PPM1H: variants seen among roughly 807,000 people sequenced by gnomAD.
PPM1H encodes protein phosphatase 1H.
PPM1H carries 27 observed loss-of-function variants against 54.9 expected under a neutral mutation model. That is an observed-to-expected ratio of 0.49 (90% confidence interval 0.36 to 0.68). The LOEUF is 0.68. Among genes scored for constraint, PPM1H ranks in the 30% least tolerant of loss-of-function variants. The probability of loss-of-function intolerance (pLI) is 0.00; values close to 1 mark genes in which losing one functional copy is unlikely to be tolerated. For synonymous variants in PPM1H, 305 were observed against 270.8 expected (o/e 1.13, Z -1.24); for missense variants, 596 against 667.8 (o/e 0.89, Z 1.19).
At chr12:62,741,377 C>G (rs955465313) in intron 4 of PPM1H, among the ~76,000 whole-genome samples, 1 of 152,210 alleles carries the variant, frequency 6.6e-6, no homozygotes, top group Non-Finnish European at 1.5e-5. Flanking sequence ...TCCTCTGCCC[C>G]GTGCTTCATA....
rs147808277 is a variant in PPM1H, at chr12:62,861,799, G to A, written c.246-29520C>T. Among the ~76,000 whole-genome samples the A allele has an allele frequency of 1.4e-4, 22 of 152,326 alleles. No homozygotes were observed. In the East Asian group the frequency reaches 4.2e-3, roughly 29 times the overall value. ...CGTGGTGCTTGCAGCAAGCTGGAGA[G>A]CATGTGTCCCTTCTAAAGGGGCAGC... On this transcript the variant is annotated intron_variant, in intron 1 of 9. Transcript: ENST00000228705.
chr12:62,685,201 A>G (rs1425753240), intron 8 of PPM1H, among the ~76,000 whole-genome samples: 1 of 152,148 alleles, frequency 6.6e-6, no homozygotes, highest in Non-Finnish European at 1.5e-5. Flanking sequence ...CACACACAAC[A>G]AAGGCCATTA....
chr12:62,689,924 T>C (rs1269330302), intron 7 of PPM1H, 118 bp from the exon 8 acceptor site: 5 of 642,422 alleles, frequency 7.8e-6, no homozygotes, highest in Non-Finnish European at 1.4e-5. Flanking sequence ...TGCCCAGATA[T>C]GTTTCCAGGC....
chr12:62,653,483 G>T (rs2075826448), intron 9 of PPM1H, among the ~76,000 whole-genome samples: 1 of 152,184 alleles, frequency 6.6e-6, no homozygotes, highest in Non-Finnish European at 1.5e-5. Context: ...CTTGTCCAAA[G>T]AACCAAATTG....
At chr12:62,778,401 A>G (rs2076623139) in intron 4 of PPM1H, among the ~76,000 whole-genome samples, 1 of 152,102 alleles carries the variant, frequency 6.6e-6, no homozygotes, top group Non-Finnish European at 1.5e-5. Flanking sequence ...TGCACCCAGA[A>G]ATGTTGTGTG....
intron 1 of PPM1H, among the ~76,000 whole-genome samples, chr12:62,919,569 T>C (rs920402749): frequency 6.6e-6 from 1 of 152,224 alleles, no homozygotes; most frequent in African/African-American, 2.4e-5. Flanking sequence ...TTAGGAGATA[T>C]GATGTATCTG....
At chr12:62,784,221 G>C (rs963984433) in intron 4 of PPM1H, among the ~76,000 whole-genome samples, 1 of 152,160 alleles carries the variant, frequency 6.6e-6, no homozygotes, top group Admixed American at 6.5e-5. Context: ...GCACGGACCA[G>C]ACCACATGGA....
chr12:62,770,837 C>A (rs1276947516), intron 4 of PPM1H, among the ~76,000 whole-genome samples: 1 of 151,896 alleles, frequency 6.6e-6, no homozygotes, highest in Non-Finnish European at 1.5e-5. Flanking sequence ...TCCCACTCTG[C>A]GATTTCAAAA....
In PPM1H at chr12:62,645,034, C is replaced by T. The variant is rs1340722129; in HGVS notation, c.*3455G>A. ...AACCTGTGGAAGGAAAACCAGTGAC[C>T]ACTTGTGGCCTTATAAAGTTGATTG... On this transcript the variant is annotated 3_prime_UTR_variant, in exon 10 of 10. Coordinates refer to ENST00000228705, the MANE Select transcript of PPM1H (RefSeq NM_020700.2). 1 of 152,208 alleles carries T rather than the reference C, an allele frequency of 6.6e-6. No individual in the cohort carries two copies. The highest frequency in any genetic ancestry group is 2.1e-4 in the South Asian group (1 of 4,828). The allele number at this position is 152,208 out of a possible 1,614,324, so 9.4% of individuals were successfully genotyped here.
intron 1 of PPM1H, among the ~76,000 whole-genome samples, chr12:62,838,529 C>A (rs2120880310): frequency 6.6e-6 from 1 of 152,232 alleles, no homozygotes; most frequent in Middle Eastern, 3.4e-3. Flanking sequence ...TCTTGGGGTA[C>A]TGAGAAAAGA....
At chr12:62,748,235 T>G (rs2120566270) in intron 4 of PPM1H, among the ~76,000 whole-genome samples, 1 of 147,580 alleles carries the variant, frequency 6.8e-6, no homozygotes, top group East Asian at 2.0e-4. Context: ...AGAGCGAGAC[T>G]CCGTCTCAAA....
chr12:62,923,445 A>C (rs749502225), intron 1 of PPM1H, among the ~76,000 whole-genome samples: 12 of 152,166 alleles, frequency 7.9e-5, no homozygotes, highest in East Asian at 7.7e-4. Context: ...CTTGGCCCCC[A>C]GGCTGGAGTG....
intron 1 of PPM1H, among the ~76,000 whole-genome samples, chr12:62,889,699 G>A (rs999923334): frequency 1.3e-4 from 19 of 151,988 alleles, no homozygotes; most frequent in African/African-American, 3.1e-4. Flanking sequence ...TCAACAAACC[G>A]TGCTGGAACA....
chr12:62,674,489 A>G (rs575101615), intron 8 of PPM1H, among the ~76,000 whole-genome samples: 5 of 152,356 alleles, frequency 3.3e-5, no homozygotes, highest in African/African-American at 4.8e-5. Flanking sequence ...CTGCAGCCCT[A>G]TAAACCAAGT....
intron 6 of PPM1H, among the ~76,000 whole-genome samples, chr12:62,704,930 G>C (rs1474147748): frequency 6.6e-6 from 1 of 152,200 alleles, no homozygotes; most frequent in Non-Finnish European, 1.5e-5. Context: ...CTGGAGTTCT[G>C]AGAGTAGTAA....
chr12:62,663,866 C>T (rs928916875), intron 9 of PPM1H, among the ~76,000 whole-genome samples: 5 of 152,148 alleles, frequency 3.3e-5, no homozygotes, highest in Non-Finnish European at 5.9e-5. Flanking sequence ...TGGCACATGC[C>T]TGTAATCCCA....
chr12:62,825,733 C>T (rs564412179), intron 2 of PPM1H, among the ~76,000 whole-genome samples: 158 of 151,920 alleles, frequency 1.0e-3, no homozygotes, highest in Non-Finnish European at 1.9e-3. Flanking sequence ...GGGCCTGTCG[C>T]GGAGTGTGGA....
At chr12:62,902,218 G>A (rs1001509824) in intron 1 of PPM1H, among the ~76,000 whole-genome samples, 1 of 151,740 alleles carries the variant, frequency 6.6e-6, no homozygotes, top group Non-Finnish European at 1.5e-5. Flanking sequence ...AAAATTAGCC[G>A]GTCGTGGTGG....
At chr12:62,662,436 A>G in intron 9 of PPM1H, among the ~76,000 whole-genome samples, 1 of 152,252 alleles carries the variant, frequency 6.6e-6, no homozygotes, top group Non-Finnish European at 1.5e-5. Flanking sequence ...CAATTCGAGG[A>G]GGAGACAGAT....
Sources: gnomAD v4.1 joint callset for allele counts (sites outside exome capture counted in the v4.1 genomes callset) on GRCh38, gnomAD v4.1.1 for gene constraint, MANE v1.5 for transcripts, NCBI Gene and HGNC (gene_info 2026-07-23, HGNC 2026-07-21) for gene names.